GAB2: variants seen among roughly 807,000 people sequenced by gnomAD.
GAB2 encodes GRB2-associated-binding protein 2.
GAB2 carries 26 observed loss-of-function variants against 65.5 expected under a neutral mutation model. The observed-to-expected ratio is 0.40, with a 90% CI of 0.29 to 0.55. The LOEUF (loss-of-function observed/expected upper bound fraction) is 0.55, where lower values mean the gene tolerates loss of function less well. Ranked by LOEUF, GAB2 falls within the 20% of genes least tolerant of loss-of-function variation. The pLI, the probability that GAB2 is intolerant of heterozygous loss-of-function variation, is 0.53. For missense variants in GAB2, 884 were observed against 875.8 expected (o/e 1.01, Z -0.12); for synonymous variants, 321 against 329.6 (o/e 0.97, Z 0.28).
chr11:78,349,432 T>C (rs1856240998), intron 1 of GAB2, among the ~76,000 whole-genome samples: 1 of 152,236 alleles, frequency 6.6e-6, no homozygotes, highest in South Asian at 2.1e-4. Context: ...CTATTACAGA[T>C]GAGACAACAG....
chr11:78,335,444 C>T (rs1855981753), intron 1 of GAB2, among the ~76,000 whole-genome samples: 1 of 152,156 alleles, frequency 6.6e-6, no homozygotes, highest in African/African-American at 2.4e-5. Context: ...GATCTAGTTT[C>T]ATTCTTCTGC....
intron 1 of GAB2, among the ~76,000 whole-genome samples, chr11:78,291,921 T>A (rs1866692235): frequency 6.6e-6 from 1 of 151,996 alleles, no homozygotes; most frequent in Non-Finnish European, 1.5e-5. Context: ...TTAATCAGAT[T>A]ACTCAGATTC....
chr11:78,260,876 A>C (rs1223760234), intron 2 of GAB2, among the ~76,000 whole-genome samples: 1 of 152,180 alleles, frequency 6.6e-6, no homozygotes, highest in East Asian at 1.9e-4. Flanking sequence ...AGAATCCAGG[A>C]TCCAGACCAT....
At chr11:78,331,116 A>C (rs1028334235) in intron 1 of GAB2, among the ~76,000 whole-genome samples, 3 of 152,014 alleles carry the variant, frequency 2.0e-5, no homozygotes, top group Non-Finnish European at 4.4e-5. Flanking sequence ...TGGAGGTTGC[A>C]GTCAGCCGAA....
intron 3 of GAB2, among the ~76,000 whole-genome samples, chr11:78,233,115 C>T (rs1864892044): frequency 6.8e-6 from 1 of 147,622 alleles, no homozygotes; most frequent in African/African-American, 2.5e-5. Context: ...TCTCAGCTCA[C>T]TGCAACCTCC....
At chr11:78,383,070 C>T (rs1011349081) in intron 1 of GAB2, among the ~76,000 whole-genome samples, 13 of 151,718 alleles carry the variant, frequency 8.6e-5, no homozygotes, top group African/African-American at 3.1e-4. Flanking sequence ...GTCAGGAATT[C>T]AAGACGAGCC....
At chr11:78,236,042 G>T (rs1864971661) in intron 3 of GAB2, among the ~76,000 whole-genome samples, 1 of 152,118 alleles carries the variant, frequency 6.6e-6, no homozygotes, top group Non-Finnish European at 1.5e-5. Flanking sequence ...GAGAAAAACT[G>T]CCATCTAAAT....
At chr11:78,312,489 G>A (rs1477364267) in intron 1 of GAB2, among the ~76,000 whole-genome samples, 2 of 152,164 alleles carry the variant, frequency 1.3e-5, no homozygotes, top group Non-Finnish European at 2.9e-5. Context: ...GCAGTGGCAC[G>A]ATCTCAGCTC....
chr11:78,284,430 T>C (rs909330671), intron 1 of GAB2, among the ~76,000 whole-genome samples: 1 of 152,242 alleles, frequency 6.6e-6, no homozygotes, highest in Non-Finnish European at 1.5e-5. Flanking sequence ...GTCCCCACAA[T>C]GGCCTACAGG....
At chr11:78,288,148 G>A (rs1308029700) in intron 1 of GAB2, among the ~76,000 whole-genome samples, 3 of 151,486 alleles carry the variant, frequency 2.0e-5, no homozygotes, top group Admixed American at 2.0e-4. Context: ...AGGAGGCCGA[G>A]GCATGTGGAT....
intron 1 of GAB2, among the ~76,000 whole-genome samples, chr11:78,337,564 G>T (rs923801367): frequency 1.3e-5 from 2 of 152,192 alleles, no homozygotes; most frequent in East Asian, 3.9e-4. Context: ...GGAAGTTGGA[G>T]AAAGAATGGT....
chr11:78,235,094 A>G (rs1378330697), intron 3 of GAB2, among the ~76,000 whole-genome samples: 1 of 152,084 alleles, frequency 6.6e-6, no homozygotes, highest in Non-Finnish European at 1.5e-5. Context: ...GATTAACATT[A>G]GGCTCCTTGC....
chr11:78,277,350 G>T (rs1012125916), intron 2 of GAB2, among the ~76,000 whole-genome samples: 2 of 152,186 alleles, frequency 1.3e-5, no homozygotes, highest in Non-Finnish European at 2.9e-5. Context: ...GAGCAGGGCA[G>T]GAGCCTCTCC....
Position 78,226,642 on chromosome 11 carries a change from G to A in GAB2, c.1030C>T (p.Pro344Ser). 1 of 1,614,024 alleles carries A rather than the reference G, an allele frequency of 6.2e-7. No homozygotes were observed. The highest frequency in any genetic ancestry group is 8.5e-7 in the Non-Finnish European group (1 of 1,179,930). ...KNHNAMTVAT[P>S]GDSAIAPPPR... ...GGGGGAGCTATGGCTGAGTCCCCAG[G>A]AGTGGCCACTGTCATGGCATTGTGG... The change falls in exon 4 of 10, where the codon CCT becomes TCT. Residue 344 changes from proline (P) to serine (S), a missense_variant. By Grantham distance (74) the Pro-to-Ser change is moderately conservative (BLOSUM62 -1). Transcript: ENST00000361507.
chr11:78,286,943 C>G (rs537282435), intron 1 of GAB2, among the ~76,000 whole-genome samples: 1 of 152,254 alleles, frequency 6.6e-6, no homozygotes, highest in South Asian at 2.1e-4. Flanking sequence ...CAGGACTGTT[C>G]TAACGTCTAT....
chr11:78,221,648 G>T, intron 8 of GAB2, 29 bp downstream of exon 8: 17 of 1,443,624 alleles, frequency 1.2e-5, no homozygotes, highest in Non-Finnish European at 1.6e-5. Flanking sequence ...CTTGAAAGGC[G>T]TCATTCCAGC....
chr11:78,221,706 C>T lies in GAB2; in HGVS notation c.1732G>A (p.Gly578Arg). The T allele has an allele frequency of 6.2e-7, 1 of 1,613,404 alleles. No individual in the cohort carries two copies. The highest frequency in any genetic ancestry group is 8.5e-7 in the Non-Finnish European group (1 of 1,179,462). Residue 578 changes from glycine (G) to arginine (R), a missense_variant, in exon 8 of 10, where the codon GGA (glycine) becomes AGA (arginine). By Grantham distance (125) the Gly-to-Arg change is moderately radical. Transcript: ENST00000361507. ...GGGACATAGTTCTCTTCGCTGTCTC[C>T]TGAGTCTGTGCTGGTGATGCTCTGG... Reference protein sequence around the residue: ...STQSITSTDSGDSEENYVPMQ... With the variant: ...STQSITSTDSRDSEENYVPMQ...
chr11:78,349,050 C>T (rs1856233758), intron 1 of GAB2, among the ~76,000 whole-genome samples: 1 of 152,168 alleles, frequency 6.6e-6, no homozygotes, highest in Admixed American at 6.5e-5. Context: ...TGCAAAGGGG[C>T]AAGAGGAATC....
chr11:78,408,526 T>C (rs1857084197), intron 1 of GAB2, among the ~76,000 whole-genome samples: 1 of 152,228 alleles, frequency 6.6e-6, no homozygotes, highest in South Asian at 2.1e-4. Context: ...AACTAAGCTC[T>C]AGCATATTAG....
Sources: gnomAD v4.1 joint callset for allele counts (sites outside exome capture counted in the v4.1 genomes callset) on GRCh38, gnomAD v4.1.1 for gene constraint, MANE v1.5 for transcripts, NCBI Gene and HGNC (gene_info 2026-07-23, HGNC 2026-07-21) for gene names.